MYCBP2: variants seen among roughly 807,000 people sequenced by gnomAD.
MYCBP2 encodes the protein E3 ubiquitin-protein ligase MYCBP2.
In MYCBP2, 120 loss-of-function variants were observed where a neutral mutation model predicts 525.3. The observed-to-expected ratio is 0.23, with a 90% CI of 0.20 to 0.27. The LOEUF (loss-of-function observed/expected upper bound fraction) is 0.27. Among genes scored for constraint, MYCBP2 ranks in the 10% least tolerant of loss-of-function variants. The pLI is 1.00. For synonymous variants in MYCBP2, 1,894 were observed against 1,955.8 expected (o/e 0.97, Z 0.83); for missense variants, 4,149 against 5,657.1 (o/e 0.73, Z 8.55).
chr13:77,082,075 G>T, intron 63 of MYCBP2, 82 bp from the exon 64 acceptor site: 1 of 1,180,630 alleles, frequency 8.5e-7, no homozygotes, highest in Non-Finnish European at 1.2e-6. Context: ...GTACTCTGTA[G>T]CTAATATCTC....
intron 50 of MYCBP2, 137 bp downstream of exon 50, chr13:77,140,709 T>A: frequency 1.4e-6 from 1 of 723,362 alleles, no homozygotes; most frequent in South Asian, 1.6e-5. Context: ...TGAACTACTC[T>A]CTAAATTTAT....
chr13:77,260,607 T>G lies in MYCBP2; in HGVS notation c.1853-15A>C. 6.4e-7 allele frequency: 1 copy of G among 1,569,802 alleles called. No homozygotes were observed. Among genetic ancestry groups the G allele is most frequent in the Non-Finnish European group, 8.6e-7 (1 of 1,159,214 alleles). On this transcript the variant is annotated splice_polypyrimidine_tract_variant and intron_variant, in intron 12 of 82. Coordinates refer to ENST00000544440, the MANE Select transcript of MYCBP2 (RefSeq NM_015057.5). ...TCTGCTCTTAGCTTTAAAAAAGAAATTAGATTAAATCAAGACCTCTATGTA... is the reference window on the plus strand; with the variant it reads ...TCTGCTCTTAGCTTTAAAAAAGAAAGTAGATTAAATCAAGACCTCTATGTA...
At chr13:77,121,205 C>A in intron 55 of MYCBP2, 168 bp downstream of exon 55, 1 of 609,186 alleles carries the variant, frequency 1.6e-6, no homozygotes, top group South Asian at 7.8e-5. Flanking sequence ...CAGCAAAAAA[C>A]AATACTATGA....
At chr13:77,286,939 C>G (rs940778327) in intron 3 of MYCBP2, among the ~76,000 whole-genome samples, 2 of 148,394 alleles carry the variant, frequency 1.3e-5, no homozygotes, top group Non-Finnish European at 3.0e-5. Context: ...GGCTGGAGTG[C>G]AGTGGCGCCA....
At chr13:77,125,303 A>G (rs776464932) in intron 54 of MYCBP2, 33 bp downstream of exon 54, 2 of 1,612,484 alleles carry the variant, frequency 1.2e-6, no homozygotes, top group Non-Finnish European at 1.7e-6. Flanking sequence ...TGAAAGCTTA[A>G]TTGGAATAAA....
intron 4 of MYCBP2, among the ~76,000 whole-genome samples, chr13:77,276,870 G>C (rs536923314): frequency 7.9e-6 from 1 of 127,128 alleles, no homozygotes; most frequent in South Asian, 2.5e-4. Context: ...TGCCCAGACT[G>C]GTCCCAAACT....
At chr13:77,087,769 T>C in intron 61 of MYCBP2, 136 bp from the exon 62 acceptor site, 1 of 777,612 alleles carries the variant, frequency 1.3e-6, no homozygotes, top group South Asian at 2.4e-5. Flanking sequence ...AAAAATGCCT[T>C]ATAGTTTTAC....
Position 77,270,553 on chromosome 13 carries a change from A to G in MYCBP2, c.946-15T>C, listed in dbSNP as rs1195462852. 1.9e-6 allele frequency: 3 copies of G among 1,576,246 alleles called. No homozygotes were observed. The highest frequency in any genetic ancestry group is 2.6e-6 in the Non-Finnish European group (3 of 1,162,288). On this transcript the variant is annotated splice_polypyrimidine_tract_variant and intron_variant, in intron 5 of 82. Coordinates refer to ENST00000544440, the MANE Select transcript of MYCBP2 (RefSeq NM_015057.5). ...ATTGTTGGCACCTAATCAAAAGAGAAGAAAAATAATGAAAAAACATTTTTA... is the reference window on the plus strand; with the variant it reads ...ATTGTTGGCACCTAATCAAAAGAGAGGAAAAATAATGAAAAAACATTTTTA...
chr13:77,189,802 G>C (rs2061120613), intron 29 of MYCBP2, among the ~76,000 whole-genome samples: 1 of 151,988 alleles, frequency 6.6e-6, no homozygotes, highest in African/African-American at 2.4e-5. Flanking sequence ...TTAGCTAAAG[G>C]TGAAAATTTA....
chr13:77,287,138 T>C lies in MYCBP2; in HGVS notation c.594+1023A>G, dbSNP rs555108676. Among the ~76,000 whole-genome samples, 776 of 150,800 alleles carry C rather than the reference T, an allele frequency of 5.1e-3. 3 individuals are homozygous for C. The highest frequency in any genetic ancestry group is 0.016 in the African/African-American group (669 of 41,116). Reference sequence around the variant, plus strand: ...TCCTGACCTCGTGATCCGCCCGCCTTGGCCTCCCAAAGAGCTGGGATTACA... The same window carrying C: ...TCCTGACCTCGTGATCCGCCCGCCTCGGCCTCCCAAAGAGCTGGGATTACA... On this transcript the variant is annotated intron_variant, in intron 3 of 82. Coordinates refer to ENST00000544440, the MANE Select transcript of MYCBP2 (RefSeq NM_015057.5).
chr13:77,094,621 T>C (rs1392154277), intron 58 of MYCBP2, among the ~76,000 whole-genome samples: 2 of 152,284 alleles, frequency 1.3e-5, no homozygotes, highest in East Asian at 3.9e-4. Context: ...ATTCCTGAAA[T>C]GTGTAATGAG....
At chr13:77,291,858 G>C (rs950243417) in intron 2 of MYCBP2, among the ~76,000 whole-genome samples, 6 of 151,980 alleles carry the variant, frequency 3.9e-5, no homozygotes, top group Non-Finnish European at 7.4e-5. Flanking sequence ...CTTACTCCTT[G>C]TATTTCCCCA....
chr13:77,251,088 G>A lies in MYCBP2; in HGVS notation c.2381+63C>T, dbSNP rs189967543. The A allele has an allele frequency of 2.3e-4, 350 of 1,499,384 alleles. 1 individual carries two copies. The highest frequency in any genetic ancestry group is 3.1e-4 in the Non-Finnish European group (336 of 1,091,014). The allele number at this position is 1,499,384 out of a possible 1,614,324, so 92.9% of individuals were successfully genotyped here. On this transcript the variant is annotated intron_variant, in intron 15 of 82. Transcript: ENST00000544440. ...AAATATTAATAGTAGAGTATACTCC[G>A]GAATGATTTTGCAAAGAAATGTGTT...
intron 1 of MYCBP2, among the ~76,000 whole-genome samples, chr13:77,310,147 T>G (rs1320224248): frequency 6.6e-6 from 1 of 151,978 alleles, no homozygotes; most frequent in Non-Finnish European, 1.5e-5. Context: ...AAACAAAAAA[T>G]ACCCTATGAT....
chr13:77,118,225 C>T (rs926135146), intron 55 of MYCBP2: 4 of 593,884 alleles, frequency 6.7e-6, no homozygotes, highest in Middle Eastern at 4.4e-4. Context: ...GAGGGGATAA[C>T]ATCCTAATTA....
chr13:77,229,981 A>G (rs1226246898), intron 18 of MYCBP2, among the ~76,000 whole-genome samples: 1 of 152,206 alleles, frequency 6.6e-6, no homozygotes, highest in Non-Finnish European at 1.5e-5. Context: ...TTTTCTGTGT[A>G]AGGTACTGAA....
At chr13:77,252,461 T>C (rs1435089526) in intron 14 of MYCBP2, among the ~76,000 whole-genome samples, 1 of 152,162 alleles carries the variant, frequency 6.6e-6, no homozygotes, top group African/African-American at 2.4e-5. Flanking sequence ...AAACTACAAC[T>C]GGTAGGGTTT....
intron 55 of MYCBP2, chr13:77,099,214 C>T: frequency 1.4e-6 from 1 of 714,050 alleles, no homozygotes; most frequent in Non-Finnish European, 2.2e-6. Flanking sequence ...ACATTACCAC[C>T]AAAAACTATT....
Position 77,070,595 on chromosome 13 carries a change from A to C in MYCBP2, c.11904+36T>G, listed in dbSNP as rs772114213. The stretch of plus-strand genomic sequence containing the variant: ...ACAAACACACACACACACACACACA[A>C]AACTAATGAAGACAATGAAATAGCT... On this transcript the variant is annotated intron_variant, in intron 69 of 82. Coordinates refer to ENST00000544440, the MANE Select transcript of MYCBP2 (RefSeq NM_015057.5). The C allele has an allele frequency of 2.8e-6, 4 of 1,405,884 alleles. No individual in the cohort carries two copies. In the South Asian group the frequency reaches 3.6e-5, roughly 13 times the overall value. 87.1% of individuals were successfully genotyped at this position (1,405,884 alleles called of 1,614,324 possible).
Sources: allele counts gnomAD v4.1 joint callset (sites outside exome capture counted in the v4.1 genomes callset), GRCh38; gene constraint gnomAD v4.1.1; transcripts MANE v1.5; gene names NCBI Gene and HGNC (gene_info 2026-07-23, HGNC 2026-07-21).